The following AGAP1 variants were observed in gnomAD, a reference collection of about 807,000 sequenced individuals.
AGAP1 encodes ArfGAP with GTPase domain, ankyrin repeat and PH domain 1.
In AGAP1, 29 loss-of-function variants were observed where a neutral mutation model predicts 105.3. The observed-to-expected ratio is 0.28, with a 90% CI of 0.21 to 0.38. The LOEUF (loss-of-function observed/expected upper bound fraction) is 0.38. Ranked by LOEUF, AGAP1 falls within the 10% of genes least tolerant of loss-of-function variation. AGAP1 has a pLI of 1.00. For synonymous variants in AGAP1, 509 were observed against 485.9 expected (o/e 1.05, Z -0.63); for missense variants, 998 against 1,165.1 (o/e 0.86, Z 2.09).
chr2:235,841,764 G>A (rs190011389), intron 9 of AGAP1, among the ~76,000 whole-genome samples: 7 of 152,282 alleles, frequency 4.6e-5, no homozygotes, highest in African/African-American at 1.4e-4. Context: ...ACCAAGGGAC[G>A]ATTCCTTCCA....
intron 13 of AGAP1, among the ~76,000 whole-genome samples, chr2:236,013,591 C>T (rs1212169956): frequency 2.2e-4 from 18 of 82,250 alleles, no homozygotes; most frequent in African/African-American, 9.2e-5. Flanking sequence ...AGGGCCTGCC[C>T]GTCCAGATAA....
intron 10 of AGAP1, among the ~76,000 whole-genome samples, chr2:235,896,976 G>A (rs2050836601): frequency 1.3e-5 from 2 of 152,192 alleles, no homozygotes; most frequent in East Asian, 1.9e-4. Context: ...CTATCCTCAC[G>A]ACATTTCATT....
chr2:235,842,117 C>T lies in AGAP1; in HGVS notation c.1050+34786C>T, dbSNP rs1466285421. Among the ~76,000 whole-genome samples the T allele has an allele frequency of 6.6e-6, 1 of 152,190 alleles. No individual in the cohort carries two copies. The highest frequency in any genetic ancestry group is 1.5e-5 in the Non-Finnish European group (1 of 68,036). On this transcript the variant is annotated intron_variant, in intron 9 of 17. Coordinates refer to ENST00000304032, the MANE Select transcript of AGAP1 (RefSeq NM_001037131.3). The surrounding 1 kb of genome is among the most constrained non-coding windows in gnomAD (Gnocchi z 5.3). ...AGGCTCACTCCATGGCTGCCCCTCT[C>T]CCCAGCCTGCTGGCGTTGGGCTTCC...
rs1404570750 is a variant in AGAP1, at chr2:235,976,733, A to G, written c.1645+8110A>G. Among the ~76,000 whole-genome samples, 2 of 152,212 alleles carry G rather than the reference A, an allele frequency of 1.3e-5. No homozygotes were observed. The highest frequency in any genetic ancestry group is 2.9e-5 in the Non-Finnish European group (2 of 68,040). On this transcript the variant is annotated intron_variant, in intron 13 of 17. Coordinates refer to ENST00000304032, the MANE Select transcript of AGAP1 (RefSeq NM_001037131.3). This position sits in a 1 kb window ranked among gnomAD's most constrained non-coding sequence, Gnocchi z 4.5. ...AACACGCCGGGGAACTTGGTTATGC[A>G]GGAGCACAGGGCACCCCCAGCTGCC...
At position 235,976,625 on chromosome 2, in the gene AGAP1, A is replaced by G. The variant is rs1313303348; in HGVS notation, c.1645+8002A>G. ...TGTTCATTGAGCACCTACTGCACGCAAGAGTTTTGTCTGATGCTGGATGGG... is the reference window on the plus strand; with the variant it reads ...TGTTCATTGAGCACCTACTGCACGCGAGAGTTTTGTCTGATGCTGGATGGG... On this transcript the variant is annotated intron_variant, in intron 13 of 17. Transcript: ENST00000304032. This position sits in a 1 kb window ranked among gnomAD's most constrained non-coding sequence, Gnocchi z 4.5. Among the ~76,000 whole-genome samples the G allele has an allele frequency of 6.6e-6, 1 of 152,206 alleles. No individual in the cohort carries two copies. The highest frequency in any genetic ancestry group is 1.5e-5 in the Non-Finnish European group (1 of 68,032).
At chr2:235,515,435 T>C (rs1249810650) in intron 1 of AGAP1, among the ~76,000 whole-genome samples, 1 of 152,080 alleles carries the variant, frequency 6.6e-6, no homozygotes, top group Non-Finnish European at 1.5e-5. Flanking sequence ...GGGCAGGTCC[T>C]CAAAGGAACA....
At position 236,101,767 on chromosome 2, in the gene AGAP1, C is replaced by T. The variant is rs1331331684; in HGVS notation, c.2115-18425C>T. ...CAGAGCCGCCGTGGGCTTCATGCCA[C>T]GTTACGCGGAGTCTAGGACGGCCTC... On this transcript the variant is annotated intron_variant, in intron 16 of 17. Coordinates refer to ENST00000304032, the MANE Select transcript of AGAP1 (RefSeq NM_001037131.3). The surrounding 1 kb of genome is among the most constrained non-coding windows in gnomAD (Gnocchi z 4.9). Among the ~76,000 whole-genome samples the T allele has an allele frequency of 6.6e-6, 1 of 152,248 alleles. No homozygotes were observed. Among genetic ancestry groups the T allele is most frequent in the African/African-American group, 2.4e-5 (1 of 41,472 alleles).
chr2:235,514,166 A>ATG (rs1559214916), intron 1 of AGAP1, among the ~76,000 whole-genome samples: 8 of 130,402 alleles, frequency 6.1e-5, no homozygotes, highest in Non-Finnish European at 1.2e-4. Flanking sequence ...GCGCGCGCAC[A>ATG]CACACACACA....
At chr2:236,075,260 T>A (rs1293613048) in intron 16 of AGAP1, among the ~76,000 whole-genome samples, 1 of 152,130 alleles carries the variant, frequency 6.6e-6, no homozygotes, top group East Asian at 1.9e-4. Context: ...GGGTTTTTTT[T>A]ACTAGAAATC....
In AGAP1 at chr2:236,053,116, C is replaced by T. The variant is rs894483124; in HGVS notation, c.2114+3835C>T. On this transcript the variant is annotated intron_variant, in intron 16 of 17. Transcript: ENST00000304032. The surrounding 1 kb of genome is among the most constrained non-coding windows in gnomAD (Gnocchi z 4.6). Reference sequence around the variant, plus strand: ...GCTGGGCCGGGGGCCACCAGCCAGGCGGGGCTCTGGGTTCCAGTGTTAGAG... The same window carrying T: ...GCTGGGCCGGGGGCCACCAGCCAGGTGGGGCTCTGGGTTCCAGTGTTAGAG... Among the ~76,000 whole-genome samples, 7 of 152,254 alleles carry T rather than the reference C, an allele frequency of 4.6e-5. No homozygotes were observed. The highest frequency in any genetic ancestry group is 1.3e-4 in the Admixed American group (2 of 15,298).
In AGAP1 at chr2:235,842,685, A is replaced by G. The variant is rs112146619; in HGVS notation, c.1050+35354A>G. Among the ~76,000 whole-genome samples, 518 of 152,304 alleles carry G rather than the reference A, an allele frequency of 3.4e-3. 2 individuals are homozygous for G. The highest frequency in any genetic ancestry group is 0.012 in the African/African-American group (485 of 41,558). On this transcript the variant is annotated intron_variant, in intron 9 of 17. Transcript: ENST00000304032. The surrounding 1 kb of genome is among the most constrained non-coding windows in gnomAD (Gnocchi z 5.3). ...TTGAGTTTCTTACCCTATGAATTCT[A>G]TAAACTGAAGTTTTCATCCCATGTG...
chr2:235,774,744 G>A (rs879916772), intron 6 of AGAP1, among the ~76,000 whole-genome samples: 3 of 152,120 alleles, frequency 2.0e-5, no homozygotes, highest in East Asian at 1.9e-4. Context: ...TTTCAATGAC[G>A]TCTCAGAGTA....
chr2:235,658,188 AT>A (rs1267004505), intron 1 of AGAP1, among the ~76,000 whole-genome samples: 15 of 151,936 alleles, frequency 9.9e-5, no homozygotes, highest in Non-Finnish European at 2.1e-4. Flanking sequence ...ATATTTATGG[AT>A]TTTTTTTCCT....
chr2:235,524,795 T>C (rs1942767853), intron 1 of AGAP1, among the ~76,000 whole-genome samples: 1 of 152,106 alleles, frequency 6.6e-6, no homozygotes, highest in African/African-American at 2.4e-5. Context: ...CCAAACATAA[T>C]TAGTGGGGGT....
In AGAP1 at chr2:235,934,739, C is replaced by G. The variant is rs555517796; in HGVS notation, c.1483+3816C>G. On this transcript the variant is annotated intron_variant, in intron 12 of 17. Coordinates refer to ENST00000304032, the MANE Select transcript of AGAP1 (RefSeq NM_001037131.3). This position sits in a 1 kb window ranked among gnomAD's most constrained non-coding sequence, Gnocchi z 4.9. ...TAGTCTTTGGTTTGGATTTCAGAGTCGCTTACTCTGTGCTGGCAGCAGGAA... is the reference window on the plus strand; with the variant it reads ...TAGTCTTTGGTTTGGATTTCAGAGTGGCTTACTCTGTGCTGGCAGCAGGAA... Among the ~76,000 whole-genome samples, 1 of 151,918 alleles carries G rather than the reference C, an allele frequency of 6.6e-6. No individual in the cohort carries two copies. The highest frequency in any genetic ancestry group is 2.4e-5 in the African/African-American group (1 of 41,328).
intron 9 of AGAP1, among the ~76,000 whole-genome samples, chr2:235,857,355 A>G (rs2048729054): frequency 6.6e-6 from 1 of 152,176 alleles, no homozygotes; most frequent in Admixed American, 6.5e-5. Context: ...CTATCCGTGG[A>G]AAAATTGTCT....
chr2:236,025,246 G>T (rs1359182884), intron 13 of AGAP1, among the ~76,000 whole-genome samples: 1 of 152,174 alleles, frequency 6.6e-6, no homozygotes, highest in East Asian at 1.9e-4. Context: ...ATCCTCACAG[G>T]CACATGCTCG....
At chr2:235,508,884 G>C (rs1040635776) in intron 1 of AGAP1, among the ~76,000 whole-genome samples, 2 of 152,364 alleles carry the variant, frequency 1.3e-5, no homozygotes, top group African/African-American at 4.8e-5. Context: ...GATTTGCCCA[G>C]GGTTACACAG....
chr2:235,583,968 A>C (rs932946024), intron 1 of AGAP1, among the ~76,000 whole-genome samples: 1 of 150,512 alleles, frequency 6.6e-6, no homozygotes, highest in Non-Finnish European at 1.5e-5. Context: ...GGCCCCCCAG[A>C]GTGCTGGGAT....
Sources: gnomAD v4.1 joint callset for allele counts (sites outside exome capture counted in the v4.1 genomes callset) on GRCh38, gnomAD v4.1.1 for gene constraint, Gnocchi (gnomAD v3.1) non-coding constraint, MANE v1.5 for transcripts, NCBI Gene and HGNC (gene_info 2026-07-23, HGNC 2026-07-21) for gene names.